ATP2B2: variants seen among roughly 807,000 people sequenced by gnomAD.
The protein encoded by ATP2B2 is plasma membrane calcium-transporting ATPase 2.
ATP2B2 carries 15 observed loss-of-function variants against 120.0 expected under a neutral mutation model. The observed-to-expected ratio is 0.12, with a 90% confidence interval of 0.08 to 0.19. ATP2B2 has a LOEUF of 0.19. ATP2B2 is among the 10% of genes least tolerant of loss of function. ATP2B2 has a pLI of 1.00. For synonymous variants in ATP2B2, 694 were observed against 700.3 expected (o/e 0.99, Z 0.14); for missense variants, 1,045 against 1,719.8 (o/e 0.61, Z 6.94).
chr3:10,475,865 G>T (rs1020395066), intron 1 of ATP2B2, among the ~76,000 whole-genome samples: 1 of 152,128 alleles, frequency 6.6e-6, no homozygotes, highest in Non-Finnish European at 1.5e-5. Flanking sequence ...TGGATGCTGG[G>T]GACTTGAAGG....
At chr3:10,649,724 G>T (rs2070404965) in intron 1 of ATP2B2, among the ~76,000 whole-genome samples, 1 of 152,198 alleles carries the variant, frequency 6.6e-6, no homozygotes, top group Non-Finnish European at 1.5e-5. Context: ...TGTTGTGGGA[G>T]GGACCTGGTG....
intron 16 of ATP2B2, among the ~76,000 whole-genome samples, chr3:10,348,505 C>T (rs1304737840): frequency 2.6e-5 from 4 of 152,172 alleles, no homozygotes; most frequent in Non-Finnish European, 5.9e-5. Context: ...GATCTGCTGC[C>T]CTCCCACCTG....
intron 21 of ATP2B2, chr3:10,338,884 G>A (rs1265637014): frequency 5.8e-6 from 1 of 171,814 alleles, no homozygotes; most frequent in Non-Finnish European, 1.3e-5. Flanking sequence ...TCCTCCTGAG[G>A]TCACTGGACC....
chr3:10,545,947 C>A (rs149052104), intron 2 of ATP2B2, among the ~76,000 whole-genome samples: 14 of 152,104 alleles, frequency 9.2e-5, no homozygotes, highest in Admixed American at 7.2e-4. Context: ...TCAATTCACA[C>A]GATTCCAACA....
chr3:10,450,159 G>A (rs751507830), intron 1 of ATP2B2, among the ~76,000 whole-genome samples: 2 of 151,974 alleles, frequency 1.3e-5, no homozygotes, highest in Non-Finnish European at 2.9e-5. Context: ...CACATCCCCC[G>A]ACATATACCT....
chr3:10,655,249 C>G (rs2070585843), intron 1 of ATP2B2, among the ~76,000 whole-genome samples: 1 of 142,726 alleles, frequency 7.0e-6, no homozygotes, highest in African/African-American at 2.8e-5. Flanking sequence ...TTTCTCAACC[C>G]CCTCCACTCT....
intron 5 of ATP2B2, among the ~76,000 whole-genome samples, chr3:10,389,656 A>G (rs1040171400): frequency 3.3e-5 from 5 of 152,148 alleles, no homozygotes; most frequent in African/African-American, 9.7e-5. Context: ...TGGGAATATG[A>G]AAAGAGTTCT....
At chr3:10,621,632 C>T (rs1002669486) in intron 1 of ATP2B2, among the ~76,000 whole-genome samples, 5 of 152,206 alleles carry the variant, frequency 3.3e-5, no homozygotes, top group African/African-American at 7.2e-5. Flanking sequence ...TGTCAGGAGA[C>T]GGGGAGTTAG....
intron 1 of ATP2B2, among the ~76,000 whole-genome samples, chr3:10,495,662 G>T (rs1215200493): frequency 1.3e-5 from 2 of 152,202 alleles, no homozygotes; most frequent in Admixed American, 6.5e-5. Flanking sequence ...CTCTGAGAGG[G>T]CAGAGAAGTG....
At chr3:10,574,806 G>A (rs1575512953) in intron 2 of ATP2B2, among the ~76,000 whole-genome samples, 1 of 152,270 alleles carries the variant, frequency 6.6e-6, no homozygotes, top group African/African-American at 2.4e-5. Flanking sequence ...GGAAGGAGGA[G>A]TGGACTACTT....
intron 2 of ATP2B2, among the ~76,000 whole-genome samples, chr3:10,424,631 A>G (rs1303077798): frequency 6.6e-6 from 1 of 152,250 alleles, no homozygotes; most frequent in Non-Finnish European, 1.5e-5. Context: ...CATTTATAGA[A>G]AAATGCATTT....
chr3:10,593,196 C>T (rs959611521), intron 2 of ATP2B2, among the ~76,000 whole-genome samples: 1 of 152,178 alleles, frequency 6.6e-6, no homozygotes, highest in Non-Finnish European at 1.5e-5. Context: ...AAGGGAAGGT[C>T]ACCTGAAAAA....
intron 8 of ATP2B2, among the ~76,000 whole-genome samples, chr3:10,380,967 C>T (rs1388432222): frequency 6.6e-6 from 1 of 152,224 alleles, no homozygotes; most frequent in Non-Finnish European, 1.5e-5. Context: ...ATTTTCATCA[C>T]TCTCATTTTA....
chr3:10,344,663 G>A (rs2060378689), intron 18 of ATP2B2, among the ~76,000 whole-genome samples: 1 of 152,166 alleles, frequency 6.6e-6, no homozygotes, highest in Admixed American at 6.5e-5. Flanking sequence ...GGGAGTATCA[G>A]GAGACTGCAA....
intron 5 of ATP2B2, among the ~76,000 whole-genome samples, chr3:10,389,279 G>T (rs2061775473): frequency 6.6e-6 from 1 of 152,204 alleles, no homozygotes; most frequent in Non-Finnish European, 1.5e-5. Context: ...AGAGAGCCTT[G>T]TTGCTGCTTG....
chr3:10,490,171 T>C (rs2065880862), intron 1 of ATP2B2, among the ~76,000 whole-genome samples: 1 of 152,242 alleles, frequency 6.6e-6, no homozygotes, highest in South Asian at 2.1e-4. Context: ...TGGCTGTTAT[T>C]ACACTGACTT....
intron 2 of ATP2B2, among the ~76,000 whole-genome samples, chr3:10,446,856 G>A (rs981677735): frequency 2.6e-5 from 4 of 152,236 alleles, no homozygotes; most frequent in African/African-American, 9.6e-5. Flanking sequence ...CAGAGCAATA[G>A]AGATGTCATT....
At chr3:10,468,151 C>T (rs1212436925) in intron 1 of ATP2B2, among the ~76,000 whole-genome samples, 1 of 152,238 alleles carries the variant, frequency 6.6e-6, no homozygotes, top group Non-Finnish European at 1.5e-5. Context: ...GGCCACCCTG[C>T]TCCCCTCCTC....
intron 2 of ATP2B2, among the ~76,000 whole-genome samples, chr3:10,572,209 C>G (rs899898210): frequency 1.3e-5 from 2 of 152,198 alleles, no homozygotes; most frequent in Non-Finnish European, 2.9e-5. Flanking sequence ...GACTTGGGAG[C>G]TAAGCTAAGA....
Sources: allele counts gnomAD v4.1 joint callset (sites outside exome capture counted in the v4.1 genomes callset), GRCh38; gene constraint gnomAD v4.1.1; transcripts MANE v1.5; gene names NCBI Gene and HGNC (gene_info 2026-07-23, HGNC 2026-07-21).